The following GSE1 variants were observed in gnomAD, a reference collection of about 807,000 sequenced individuals.
The protein encoded by GSE1 is Gse1 coiled-coil protein, also known as genetic suppressor element 1.
GSE1 carries 32 observed loss-of-function variants against 112.6 expected under a neutral mutation model. That is an observed-to-expected ratio of 0.28 (90% CI 0.21 to 0.38). GSE1 has a LOEUF of 0.38. Ranked by LOEUF, GSE1 falls within the 10% of genes least tolerant of loss-of-function variation. The pLI is 1.00. For synonymous variants in GSE1, 1,115 were observed against 735.6 expected, an observed-to-expected ratio of 1.52 and a Z score of -8.35; for missense variants, 2,348 against 1,699.2, an observed-to-expected ratio of 1.38 and a Z score of -6.71.
chr16:85,631,413 G>A (rs558174743), intron 1 of GSE1, among the ~76,000 whole-genome samples: 39 of 152,378 alleles, frequency 2.6e-4, no homozygotes, highest in African/African-American at 7.9e-4. Flanking sequence ...GCCCTCTGCC[G>A]AAGGTGTGTG....
Position 85,294,673 on chromosome 16 carries a change from C to T in GSE1, c.2284-62790C>T, listed in dbSNP as rs546387698. Among the ~76,000 whole-genome samples the T allele has an allele frequency of 2.7e-3, 386 of 143,948 alleles. 2 individuals carry two copies. The highest frequency in any genetic ancestry group is 3.4e-3 in the Non-Finnish European group (224 of 66,116). The allele number at this position is 143,948 out of a possible 152,430, so 94.4% of individuals were successfully genotyped here. ...TCTCTCTCTCTGTCTCTCTCTCTCC[C>T]CCCCCTTCCCTCCCTCCCCACCCCC... On this transcript the variant is annotated intron_variant, in intron 1 of 2. Coordinates refer to the GSE1 transcript ENST00000637419.
chr16:85,291,581 G>C (rs1369918439), intron 1 of GSE1, among the ~76,000 whole-genome samples: 10 of 152,220 alleles, frequency 6.6e-5, no homozygotes, highest in Non-Finnish European at 1.3e-4. Context: ...CTTGTGCGCA[G>C]TGTGTGGCCA....
intron 1 of GSE1, among the ~76,000 whole-genome samples, chr16:85,228,096 G>C (rs73257937): frequency 6.6e-6 from 1 of 152,178 alleles, no homozygotes; most frequent in Admixed American, 6.5e-5. Context: ...GGTGATCCAG[G>C]AGGAGGGAAC....
chr16:85,606,539 C>T (rs999721271), upstream of GSE1, among the ~76,000 whole-genome samples: 3 of 152,192 alleles, frequency 2.0e-5, no homozygotes, highest in Admixed American at 6.5e-5. Flanking sequence ...CAGGAAGGGG[C>T]CACTTTGCCA....
At chr16:85,303,956 C>T (rs1384578982) in intron 1 of GSE1, among the ~76,000 whole-genome samples, 1 of 152,206 alleles carries the variant, frequency 6.6e-6, no homozygotes, top group African/African-American at 2.4e-5. Context: ...GGGCTGCTTG[C>T]GAAGACAGCG....
intron 11 of GSE1, chr16:85,664,802 G>A (rs1041660345): frequency 3.4e-5 from 19 of 561,410 alleles, no homozygotes; most frequent in Admixed American, 9.0e-5. Context: ...TTTGGAGCAC[G>A]TCTAGGACAT....
At chr16:85,495,042 G>A (rs1597950678) in intron 2 of GSE1, among the ~76,000 whole-genome samples, 1 of 152,240 alleles carries the variant, frequency 6.6e-6, no homozygotes, top group South Asian at 2.1e-4. Context: ...TTCTAGGTCA[G>A]GCTGGTAGCC....
intron 3 of GSE1, among the ~76,000 whole-genome samples, chr16:85,653,692 C>G (rs967850092): frequency 5.3e-5 from 8 of 152,116 alleles, no homozygotes; most frequent in Non-Finnish European, 1.2e-4. Flanking sequence ...GGCTCCAGGG[C>G]CAGGGCCACC....
intron 2 of GSE1, among the ~76,000 whole-genome samples, chr16:85,462,082 G>C (rs1275246486): frequency 6.6e-6 from 1 of 152,176 alleles, no homozygotes; most frequent in Non-Finnish European, 1.5e-5. Flanking sequence ...CTCCCCACAG[G>C]GGCAGGGAGG....
intron 15 of GSE1, 152 bp from the exon 16 acceptor site, chr16:85,672,253 C>T (rs1186602077): frequency 4.7e-6 from 3 of 636,768 alleles, no homozygotes; most frequent in Non-Finnish European, 8.6e-6. Context: ...CCTCGACCTC[C>T]AAAAGTGCTG....
At position 85,419,437 on chromosome 16, in the gene GSE1, A is replaced by G. The variant is rs1295868409; in HGVS notation, c.2464+61794A>G. On this transcript the variant is annotated intron_variant, in intron 2 of 2. Coordinates refer to the GSE1 transcript ENST00000637419. This position sits in a 1 kb window ranked among gnomAD's most constrained non-coding sequence, Gnocchi z 6.5. ...AGACCAGCCTGAGCAACATAGTGAG[A>G]CCCTGTCTACGAACAAAAGTTAGCC... 6.6e-6 allele frequency among the ~76,000 whole-genome samples: 1 copy of G among 151,792 alleles called. No homozygotes were observed. Among genetic ancestry groups the G allele is most frequent in the Non-Finnish European group, 1.5e-5 (1 of 67,960 alleles).
chr16:85,633,869 C>G (rs1217557553), intron 1 of GSE1, 45 bp from the exon 2 acceptor site: 1 of 1,509,598 alleles, frequency 6.6e-7, no homozygotes, highest in Non-Finnish European at 9.2e-7. Context: ...GTGCTGGGCG[C>G]TCCTGCTCTC....
chr16:85,499,484 G>C (rs2051293291), intron 2 of GSE1, among the ~76,000 whole-genome samples: 1 of 151,622 alleles, frequency 6.6e-6, no homozygotes, highest in Non-Finnish European at 1.5e-5. Flanking sequence ...CTAATTTTTT[G>C]TATTTTTAGT....
intron 3 of GSE1, among the ~76,000 whole-genome samples, chr16:85,653,661 C>T (rs1282488969): frequency 1.3e-5 from 2 of 152,072 alleles, no homozygotes; most frequent in Admixed American, 6.5e-5. Context: ...AGTCAGGGCC[C>T]AGCTGCTGCC....
At chr16:85,663,273 G>A (rs2052579679) in intron 10 of GSE1, 71 bp from the exon 11 acceptor site, 1 of 1,539,844 alleles carries the variant, frequency 6.5e-7, no homozygotes, top group Non-Finnish European at 8.9e-7. Context: ...ACCCCAGGAG[G>A]GGACCCCGGG....
chr16:85,328,219 C>T (rs890228609), intron 1 of GSE1, among the ~76,000 whole-genome samples: 4 of 152,236 alleles, frequency 2.6e-5, no homozygotes, highest in Admixed American at 2.0e-4. Context: ...GGCCCCTTTC[C>T]GCTCCTCCTC....
chr16:85,510,757 G>T (rs1284110414), intron 2 of GSE1, among the ~76,000 whole-genome samples: 1 of 152,090 alleles, frequency 6.6e-6, no homozygotes, highest in Non-Finnish European at 1.5e-5. Context: ...ACCCCTGCAG[G>T]CCTCCTGCTC....
chr16:85,626,462 C>T (rs527544910), intron 1 of GSE1, among the ~76,000 whole-genome samples: 4 of 152,292 alleles, frequency 2.6e-5, no homozygotes, highest in South Asian at 2.1e-4. Flanking sequence ...AGCTGGGGGA[C>T]GCCCTTTATT....
chr16:85,497,058 C>A (rs1195237743), intron 2 of GSE1, among the ~76,000 whole-genome samples: 1 of 152,174 alleles, frequency 6.6e-6, no homozygotes, highest in Admixed American at 6.5e-5. Context: ...GCCACCACGC[C>A]CCGCTAAGTT....
Sources: allele counts gnomAD v4.1 joint callset (sites outside exome capture counted in the v4.1 genomes callset), GRCh38; gene constraint gnomAD v4.1.1; non-coding constraint Gnocchi (gnomAD v3.1); transcripts MANE v1.5; gene names NCBI Gene and HGNC (gene_info 2026-07-23, HGNC 2026-07-21).